The following MTPN variants were observed in gnomAD, a reference collection of about 807,000 sequenced individuals.
MTPN encodes granule cell differentiation protein.
In MTPN, 2 loss-of-function variants were observed where a neutral mutation model predicts 13.5. That is an observed-to-expected ratio of 0.15 (90% confidence interval 0.06 to 0.47). The LOEUF (loss-of-function observed/expected upper bound fraction) is 0.47, where lower values mean the gene tolerates loss of function less well. Ranked by LOEUF, MTPN falls within the 20% of genes least tolerant of loss-of-function variation. The probability of loss-of-function intolerance (pLI) is 0.97; values close to 1 mark genes in which losing one functional copy is unlikely to be tolerated. For synonymous variants in MTPN, 46 were observed against 51.7 expected, an observed-to-expected ratio of 0.89 and a Z score of 0.48; for missense variants, 79 against 137.9, an observed-to-expected ratio of 0.57 and a Z score of 2.14.
At chr7:135,952,930 G>C (rs1296948950) in intron 1 of MTPN, among the ~76,000 whole-genome samples, 1 of 152,130 alleles carries the variant, frequency 6.6e-6, no homozygotes, top group Non-Finnish European at 1.5e-5. Flanking sequence ...CTACACTCCA[G>C]CCTGGGTGAC....
At chr7:135,930,124 T>C (rs1798995005) in intron 3 of MTPN, 112 bp from the exon 4 acceptor site, 1 of 903,762 alleles carries the variant, frequency 1.1e-6, no homozygotes, top group Non-Finnish European at 1.7e-6. Context: ...AAAAATTCCT[T>C]TACTAGTGGA....
intron 1 of MTPN, among the ~76,000 whole-genome samples, chr7:135,964,875 A>G (rs1190289254): frequency 6.6e-6 from 1 of 152,152 alleles, no homozygotes; most frequent in East Asian, 1.9e-4. Context: ...AAACTTAGAC[A>G]AAGTAGTTTT....
At chr7:135,961,069 C>A (rs1237285640) in intron 1 of MTPN, among the ~76,000 whole-genome samples, 1 of 151,996 alleles carries the variant, frequency 6.6e-6, no homozygotes, top group Non-Finnish European at 1.5e-5. Context: ...TTGGGAAACA[C>A]TATTCAAATT....
In MTPN at chr7:135,958,742, G is replaced by A. The variant is rs371125831; in HGVS notation, c.73-7112C>T. The stretch of plus-strand genomic sequence containing the variant: ...AACTAATTATTTTCATTGATTTGCT[G>A]TTATCCTGAATTTGAGTCACTAATG... On this transcript the variant is annotated intron_variant, in intron 1 of 3. Transcript: ENST00000393085. Among the ~76,000 whole-genome samples the A allele has an allele frequency of 1.4e-4, 22 of 152,230 alleles. No homozygotes were observed. In the East Asian group the frequency reaches 4.2e-3, roughly 29 times the overall value.
At chr7:135,934,822 C>T (rs566348534) in intron 3 of MTPN, among the ~76,000 whole-genome samples, 11 of 152,170 alleles carry the variant, frequency 7.2e-5, no homozygotes, top group Non-Finnish European at 1.5e-4. Context: ...ACTCCTTCTA[C>T]TCTCCCCTGC....
chr7:135,927,695 C>G lies in MTPN; in HGVS notation c.*2231G>C, dbSNP rs554745929. 29 of 543,220 alleles carry G rather than the reference C, an allele frequency of 5.3e-5. No individual in the cohort carries two copies. Among genetic ancestry groups the G allele is most frequent in the South Asian group, 4.0e-4 (26 of 64,214 alleles). The allele number at this position is 543,220 out of a possible 1,614,324, so 33.6% of individuals were successfully genotyped here. On this transcript the variant is annotated 3_prime_UTR_variant, in exon 4 of 4. Coordinates refer to ENST00000393085, the MANE Select transcript of MTPN (RefSeq NM_145808.4). ...ACCATCTTGGTCAGTCTATTCTATTCTATGTTTATATGTTATTTTCTCAAG... is the reference window on the plus strand; with the variant it reads ...ACCATCTTGGTCAGTCTATTCTATTGTATGTTTATATGTTATTTTCTCAAG...
At chr7:135,950,501 T>C in intron 3 of MTPN, 98 bp downstream of exon 3, 1 of 979,380 alleles carries the variant, frequency 1.0e-6, no homozygotes, top group Non-Finnish European at 1.6e-6. Flanking sequence ...TCCAGTTTTC[T>C]GTCCCTGCTG....
rs559104752 is a variant in MTPN at position 135,936,630 on chromosome 7, TACTAGCAC to T, written c.271-6626_271-6619del. Among the ~76,000 whole-genome samples, 13 of 152,356 alleles carry T rather than the reference TACTAGCAC, an allele frequency of 8.5e-5. No individual in the cohort carries two copies. In the East Asian group the frequency reaches 2.5e-3, roughly 29 times the overall value. ...TTCCATTGTGAACAGGCTGCCTGCCTACTAGCACACTATATAACATACCCACTTATTTT... is the reference window on the plus strand; with the variant it reads ...TTCCATTGTGAACAGGCTGCCTGCCTACTATATAACATACCCACTTATTTT... On this transcript the variant is annotated intron_variant, in intron 3 of 3. Coordinates refer to ENST00000393085, the MANE Select transcript of MTPN (RefSeq NM_145808.4).
intron 3 of MTPN, chr7:135,932,792 T>C (rs937330863): frequency 1.4e-4 from 21 of 152,064 alleles, no homozygotes; most frequent in African/African-American, 4.6e-4. Context: ...GATACAATAC[T>C]GAAGAATAAA....
intron 1 of MTPN, among the ~76,000 whole-genome samples, chr7:135,975,109 A>G (rs1434480174): frequency 1.3e-5 from 2 of 152,236 alleles, no homozygotes; most frequent in East Asian, 3.8e-4. Flanking sequence ...TTAATGAAGA[A>G]CAGGCTACGG....
At chr7:135,941,663 T>C (rs1324624955) in intron 3 of MTPN, among the ~76,000 whole-genome samples, 8 of 152,130 alleles carry the variant, frequency 5.3e-5, no homozygotes, top group South Asian at 2.1e-4. Flanking sequence ...TATAGTTCAT[T>C]TTCAGTTGCA....
intron 3 of MTPN, among the ~76,000 whole-genome samples, chr7:135,934,128 C>G (rs1799074840): frequency 1.3e-5 from 2 of 152,152 alleles, no homozygotes; most frequent in Non-Finnish European, 2.9e-5. Context: ...TTCTCTATAG[C>G]AGTGTAAGAA....
At chr7:135,954,614 T>C (rs1799413428) in intron 1 of MTPN, among the ~76,000 whole-genome samples, 1 of 152,138 alleles carries the variant, frequency 6.6e-6, no homozygotes, top group African/African-American at 2.4e-5. Flanking sequence ...ATCAATAAGA[T>C]CTTTGTCAAA....
chr7:135,946,735 C>A (rs931056139), intron 3 of MTPN, among the ~76,000 whole-genome samples: 1 of 152,286 alleles, frequency 6.6e-6, no homozygotes, highest in Non-Finnish European at 1.5e-5. Context: ...TAAAGGGGAA[C>A]CTTATTTCAC....
chr7:135,958,044 G>A (rs1165796411), intron 1 of MTPN, among the ~76,000 whole-genome samples: 1 of 149,018 alleles, frequency 6.7e-6, no homozygotes, highest in African/African-American at 2.6e-5. Flanking sequence ...ACTAAAACAC[G>A]TGGCATTTTA....
intron 1 of MTPN, among the ~76,000 whole-genome samples, chr7:135,957,684 C>A (rs1312306100): frequency 6.6e-6 from 1 of 152,014 alleles, no homozygotes; most frequent in East Asian, 1.9e-4. Context: ...GAGGTGCGGG[C>A]CTAAAGAGAG....
intron 3 of MTPN, among the ~76,000 whole-genome samples, chr7:135,947,422 C>G (rs1219967803): frequency 6.6e-6 from 1 of 152,046 alleles, no homozygotes; most frequent in Non-Finnish European, 1.5e-5. Context: ...TTCTTCTGGT[C>G]CAAAGCAGAT....
intron 3 of MTPN, 150 bp from the exon 4 acceptor site, chr7:135,930,162 A>C: frequency 1.7e-6 from 1 of 595,690 alleles, no homozygotes; most frequent in Non-Finnish European, 2.9e-6. Context: ...AAAACAAACA[A>C]GTTGGCAACA....
intron 1 of MTPN, among the ~76,000 whole-genome samples, chr7:135,972,231 G>GCGCGTGCGCACACACACACACA (rs779296906): frequency 2.4e-5 from 3 of 124,700 alleles, no homozygotes; most frequent in African/African-American, 9.0e-5. Flanking sequence ...GCACGCGCGC[G>GCGCGTGCGCACACACACACACA]CACACACACA....
Sources: gnomAD v4.1 joint callset for allele counts (sites outside exome capture counted in the v4.1 genomes callset) on GRCh38, gnomAD v4.1.1 for gene constraint, MANE v1.5 for transcripts, NCBI Gene and HGNC (gene_info 2026-07-23, HGNC 2026-07-21) for gene names.